The following NRIP3 variants were observed in gnomAD, a reference collection of about 807,000 sequenced individuals.
NRIP3 encodes nuclear receptor interacting protein 3, also known as nuclear receptor-interacting protein 3.
In NRIP3, 31 loss-of-function variants were observed where a neutral mutation model predicts 29.0. The observed-to-expected ratio is 1.07, with a 90% CI of 0.80 to 1.44. NRIP3 has a LOEUF of 1.44. NRIP3 is among the 40% of genes most tolerant of loss of function. NRIP3 has a pLI of 0.00. For synonymous variants in NRIP3, 131 were observed against 118.3 expected (o/e 1.11, Z -0.70); for missense variants, 314 against 297.9 (o/e 1.05, Z -0.40).
chr11:8,985,765 G>C lies in NRIP3; in HGVS notation c.508C>G (p.His170Asp). 6.2e-7 allele frequency: 1 copy of C among 1,614,166 alleles called. No homozygotes were observed. The highest frequency in any genetic ancestry group is 1.1e-5 in the South Asian group (1 of 91,072). Residue 170 changes from histidine to aspartate, a missense_variant, in exon 4 of 7, where the codon CAC (histidine) becomes GAC (aspartate). Transcript: ENST00000309166. ...AGGGAGCCCAGTGTGATCACTAGGT[G>C]CTCAATCTGGCCCACTACTTTGAGA... is the stretch of plus-strand genomic sequence containing the variant. ...RHLKVVGQIE[H>D]LVITLGSLRL...
At chr11:8,983,739 G>A (rs1447804573) in intron 6 of NRIP3, 136 bp downstream of exon 6, 2 of 897,482 alleles carry the variant, frequency 2.2e-6, no homozygotes, top group Non-Finnish European at 3.6e-6. Context: ...TCTGGGTGTG[G>A]GGAAGGGTGG....
intron 1 of NRIP3, among the ~76,000 whole-genome samples, chr11:8,998,630 C>T (rs1296864271): frequency 6.6e-6 from 1 of 152,092 alleles, no homozygotes; most frequent in East Asian, 1.9e-4. Flanking sequence ...TCACTTCTTC[C>T]GCTGGACTCC....
Position 9,003,895 on chromosome 11 carries a change from T to G in NRIP3, c.41A>C (p.Glu14Ala). ...SGLLTEGGRK[E>A]TDMREAASLR... ...TGACGCCGCCTCCCGCATGTCGGTC[T>G]CCTTGCGGCCGCCCTCAGTGAGGAG... Residue 14 changes from glutamate (E) to alanine (A), a missense_variant, in exon 1 of 7, where the codon GAG (glutamate) becomes GCG (alanine). By Grantham distance (107) the Glu-to-Ala change is moderately radical. Transcript: ENST00000309166. The G allele has an allele frequency of 7.2e-6, 11 of 1,522,668 alleles. No individual in the cohort carries two copies. Among genetic ancestry groups the G allele is most frequent in the Non-Finnish European group, 9.7e-6 (11 of 1,136,396 alleles). 94.3% of individuals were successfully genotyped at this position (1,522,668 alleles called of 1,614,324 possible). A position where few individuals can be genotyped will look rare whatever the true frequency, so the allele number is the denominator to read the frequency against.
intron 1 of NRIP3, among the ~76,000 whole-genome samples, chr11:8,991,084 G>A (rs1217283364): frequency 6.6e-6 from 1 of 152,052 alleles, no homozygotes; most frequent in Non-Finnish European, 1.5e-5. Context: ...GGTGGATCAC[G>A]AGGTCAGGAG....
chr11:9,004,204 C>T (rs1854873354), upstream of NRIP3: 2 of 313,744 alleles, frequency 6.4e-6, no homozygotes, highest in East Asian at 1.0e-4. Context: ...ACTGACCCGG[C>T]AGTCCGAGAA....
At chr11:8,987,023 A>G (rs1854531151) in intron 3 of NRIP3, among the ~76,000 whole-genome samples, 1 of 152,172 alleles carries the variant, frequency 6.6e-6, no homozygotes, top group South Asian at 2.1e-4. Flanking sequence ...GCCACACAAA[A>G]CAAACAAAAG....
chr11:8,985,871 C>A (rs779264446), intron 3 of NRIP3, 21 bp from the exon 4 acceptor site: 1 of 1,612,704 alleles, frequency 6.2e-7, no homozygotes, highest in Non-Finnish European at 8.5e-7. Flanking sequence ...GAGGAAGATA[C>A]CAAAATCCCC....
chr11:8,999,782 G>C (rs1463826909), intron 1 of NRIP3, among the ~76,000 whole-genome samples: 1 of 152,052 alleles, frequency 6.6e-6, no homozygotes, highest in Non-Finnish European at 1.5e-5. Flanking sequence ...GAGAAACTTT[G>C]CTCCTTAATT....
chr11:8,982,513 T>C lies in NRIP3; in HGVS notation c.*1032A>G, dbSNP rs2568045. ...ACTTCAGTCCTTGACAGACACATAA[T>C]AGGATGGGCAGAAATGCTGATCGGA... On this transcript the variant is annotated 3_prime_UTR_variant, in exon 7 of 7. Transcript: ENST00000309166. The C allele has an allele frequency of 0.49, 76,894 of 156,620 alleles. 19,550 individuals are homozygous for C. The highest frequency in any genetic ancestry group is 0.71 in the Middle Eastern group (225 of 318). 9.7% of individuals were successfully genotyped at this position (156,620 alleles called of 1,614,324 possible). A position where few individuals can be genotyped will look rare whatever the true frequency, so the allele number is the denominator to read the frequency against.
At chr11:9,004,091 G>A, upstream of NRIP3, 1 of 613,464 alleles carries the variant, frequency 1.6e-6, no homozygotes, top group Non-Finnish European at 2.5e-6. Context: ...GGCCGGCACA[G>A]AGTCCACGCC....
intron 3 of NRIP3, 86 bp from the exon 4 acceptor site, chr11:8,985,936 G>A (rs773728664): frequency 4.8e-6 from 7 of 1,465,794 alleles, no homozygotes; most frequent in Middle Eastern, 1.8e-4. Context: ...CCTACAATTG[G>A]AATTCTCCAG....
intron 3 of NRIP3, 28 bp from the exon 4 acceptor site, chr11:8,985,878 C>A (rs1854514532): frequency 6.2e-7 from 1 of 1,612,016 alleles, no homozygotes; most frequent in South Asian, 1.1e-5. Context: ...ATACCAAAAT[C>A]CCCTTGACAG....
At chr11:8,986,552 C>T (rs1266787998) in intron 3 of NRIP3, among the ~76,000 whole-genome samples, 3 of 152,200 alleles carry the variant, frequency 2.0e-5, no homozygotes, top group Admixed American at 6.5e-5. Context: ...TTCTGCTTTC[C>T]TCTATTTCCT....
chr11:8,984,864 C>A (rs1358486617), intron 4 of NRIP3, among the ~76,000 whole-genome samples: 1 of 147,314 alleles, frequency 6.8e-6, no homozygotes, highest in African/African-American at 2.5e-5. Context: ...TTTTTTCTTT[C>A]TTTTGAGACG....
At chr11:8,988,601 C>A (rs1030981982) in intron 1 of NRIP3, among the ~76,000 whole-genome samples, 1 of 152,212 alleles carries the variant, frequency 6.6e-6, no homozygotes, top group African/African-American at 2.4e-5. Context: ...TGCTACCTTT[C>A]TTCCCCTTAC....
chr11:8,990,898 T>C (rs1271736988), intron 1 of NRIP3, among the ~76,000 whole-genome samples: 2 of 152,256 alleles, frequency 1.3e-5, no homozygotes, highest in African/African-American at 4.8e-5. Context: ...ATAATGACCA[T>C]TAAATTTAGA....
chr11:8,989,845 T>C (rs575583032), intron 1 of NRIP3, among the ~76,000 whole-genome samples: 12 of 152,326 alleles, frequency 7.9e-5, no homozygotes, highest in Admixed American at 7.8e-4. Context: ...TTCTGTTACA[T>C]CCATGCTTAC....
chr11:8,992,921 A>AG (rs1389720133), intron 1 of NRIP3, among the ~76,000 whole-genome samples: 1 of 152,140 alleles, frequency 6.6e-6, no homozygotes, highest in Admixed American at 6.5e-5. Flanking sequence ...CAAAAAAAAA[A>AG]AAAATTTGAT....
intron 1 of NRIP3, among the ~76,000 whole-genome samples, chr11:9,000,189 T>A (rs930016198): frequency 6.6e-6 from 1 of 152,260 alleles, no homozygotes; most frequent in African/African-American, 2.4e-5. Flanking sequence ...ATTTGTGTCT[T>A]AGCCCCTAGA....
Sources: gnomAD v4.1 joint callset for allele counts (sites outside exome capture counted in the v4.1 genomes callset) on GRCh38, gnomAD v4.1.1 for gene constraint, MANE v1.5 for transcripts, NCBI Gene and HGNC (gene_info 2026-07-23, HGNC 2026-07-21) for gene names.